PUM2: variants seen among roughly 807,000 people sequenced by gnomAD.
PUM2 encodes pumilio homolog 2.
In PUM2, 57 loss-of-function variants were observed where a neutral mutation model predicts 124.5. The observed-to-expected ratio is 0.46, with a 90% CI of 0.37 to 0.57. The LOEUF (loss-of-function observed/expected upper bound fraction) is 0.57. PUM2 is among the 20% of genes least tolerant of loss of function. PUM2 has a pLI of 0.00. For synonymous variants in PUM2, 460 were observed against 446.1 expected, an observed-to-expected ratio of 1.03 and a Z score of -0.39; for missense variants, 1,065 against 1,290.6, an observed-to-expected ratio of 0.83 and a Z score of 2.68.
At chr2:20,294,135 G>T (rs1461083842) in intron 9 of PUM2, among the ~76,000 whole-genome samples, 1 of 152,174 alleles carries the variant, frequency 6.6e-6, no homozygotes, top group Non-Finnish European at 1.5e-5. Context: ...GAAACTGCTA[G>T]AGATTTCAAG....
At chr2:20,345,203 G>T (rs1688021686) in intron 1 of PUM2, among the ~76,000 whole-genome samples, 1 of 151,090 alleles carries the variant, frequency 6.6e-6, no homozygotes, top group Non-Finnish European at 1.5e-5. Context: ...GGATTCAAGT[G>T]ACCTTCCCAC....
chr2:20,284,628 T>C (rs10178561), intron 10 of PUM2, among the ~76,000 whole-genome samples: 6,040 of 152,294 alleles, frequency 0.04, 128 homozygotes, highest in Middle Eastern at 0.068. Context: ...CTGTGTCTGG[T>C]CCTTTAAGAA....
chr2:20,277,621 GT>G (rs777461887), intron 13 of PUM2, among the ~76,000 whole-genome samples: 2 of 151,898 alleles, frequency 1.3e-5, no homozygotes, highest in East Asian at 1.9e-4. Context: ...GCTTGTTTTT[GT>G]TTTTTTCTTT....
intron 2 of PUM2, 119 bp from the exon 3 acceptor site, chr2:20,318,764 G>C (rs1378050209): frequency 1.2e-5 from 7 of 606,682 alleles, no homozygotes; most frequent in Non-Finnish European, 1.9e-5. Context: ...TGAAAATTCA[G>C]AGTGACCTAT....
intron 1 of PUM2, among the ~76,000 whole-genome samples, chr2:20,337,689 C>G (rs1411172904): frequency 6.6e-6 from 1 of 152,180 alleles, no homozygotes; most frequent in Non-Finnish European, 1.5e-5. Flanking sequence ...TTTTAATTCA[C>G]TTAGGGTCCA....
intron 7 of PUM2, 74 bp from the exon 8 acceptor site, chr2:20,297,752 T>A: frequency 6.9e-7 from 1 of 1,453,364 alleles, no homozygotes; most frequent in Non-Finnish European, 9.5e-7. Context: ...AAAACATTTC[T>A]ACTCTGAATC....
At chr2:20,297,370 T>C (rs575821071) in intron 8 of PUM2, among the ~76,000 whole-genome samples, 183 bp downstream of exon 8, 1 of 152,344 alleles carries the variant, frequency 6.6e-6, no homozygotes, top group African/African-American at 2.4e-5. Flanking sequence ...TGCTTAAGCT[T>C]TTCCCTGTAG....
chr2:20,267,195 TA>T lies in PUM2; in HGVS notation c.1958-3736del, dbSNP rs528762555. 4.5e-3 allele frequency among the ~76,000 whole-genome samples: 583 copies of T among 129,432 alleles called. 5 individuals are homozygous for T. The highest frequency in any genetic ancestry group is 0.016 in the African/African-American group (563 of 35,358). 84.9% of individuals were successfully genotyped at this position (129,432 alleles called of 152,430 possible). ...GTACCACCATGCCCGGCTAAGTTTG[TA>T]TTTTTTTTTAGTAGAGACGGGGTTT... is the stretch of plus-strand genomic sequence containing the variant. On this transcript the variant is annotated intron_variant, in intron 13 of 20. Coordinates refer to ENST00000361078, the MANE Select transcript of PUM2 (RefSeq NM_015317.5).
intron 7 of PUM2, among the ~76,000 whole-genome samples, chr2:20,302,437 A>C (rs6748274): frequency 0.28 from 42,922 of 152,136 alleles, 6,454 homozygotes; most frequent in Middle Eastern, 0.35. Context: ...AATTGTATCA[A>C]ATCTTTTATG....
chr2:20,347,538 A>T (rs1573054466), intron 1 of PUM2, among the ~76,000 whole-genome samples: 1 of 152,210 alleles, frequency 6.6e-6, no homozygotes, highest in Non-Finnish European at 1.5e-5. Context: ...TACAAAAGCA[A>T]TTAAGTTTTA....
chr2:20,268,017 C>T (rs1370998542), intron 13 of PUM2, among the ~76,000 whole-genome samples: 4 of 152,078 alleles, frequency 2.6e-5, no homozygotes, highest in Non-Finnish European at 5.9e-5. Flanking sequence ...AGGTCCTCCG[C>T]GGGGCAAGGG....
chr2:20,261,133 G>A (rs1666103891), intron 14 of PUM2, among the ~76,000 whole-genome samples: 1 of 152,164 alleles, frequency 6.6e-6, no homozygotes, highest in Non-Finnish European at 1.5e-5. Context: ...GCTCACGCAT[G>A]TAATCTCAGC....
At chr2:20,325,710 C>T (rs989588406) in intron 2 of PUM2, among the ~76,000 whole-genome samples, 2 of 152,020 alleles carry the variant, frequency 1.3e-5, no homozygotes, top group Admixed American at 6.5e-5. Flanking sequence ...CAAGCTCCGC[C>T]TCCCGGGTTC....
At chr2:20,286,699 T>C (rs1380119845) in intron 10 of PUM2, among the ~76,000 whole-genome samples, 1 of 152,194 alleles carries the variant, frequency 6.6e-6, no homozygotes, top group Admixed American at 6.5e-5. Context: ...TCTTTGGTTT[T>C]ATTCTCTCTC....
intron 16 of PUM2, among the ~76,000 whole-genome samples, chr2:20,256,934 C>T (rs1271732629): frequency 5.4e-5 from 8 of 149,448 alleles, no homozygotes; most frequent in East Asian, 2.0e-4. Context: ...ATCCCAGCTA[C>T]TTCGGAGGCT....
intron 10 of PUM2, among the ~76,000 whole-genome samples, chr2:20,286,215 C>A (rs1672698898): frequency 6.6e-6 from 1 of 152,018 alleles, no homozygotes; most frequent in African/African-American, 2.4e-5. Context: ...AAAAGAGGGA[C>A]AAGAAGATGT....
At chr2:20,265,359 A>G (rs1225370927) in intron 13 of PUM2, among the ~76,000 whole-genome samples, 1 of 152,198 alleles carries the variant, frequency 6.6e-6, no homozygotes, top group Non-Finnish European at 1.5e-5. Flanking sequence ...GCACCCATGC[A>G]TGATATTCAA....
chr2:20,308,303 C>T lies in PUM2; in HGVS notation c.789+11G>A, dbSNP rs1020956650. 3.1e-6 allele frequency: 5 copies of T among 1,610,966 alleles called. No individual in the cohort carries two copies. The highest frequency in any genetic ancestry group is 1.3e-5 in the African/African-American group (1 of 74,686). On this transcript the variant is annotated intron_variant, in intron 6 of 20. Transcript: ENST00000361078. ...TAAGAGGACCTTCTTAAAGAAAGAA[C>T]ATGCTTTTACCTGCTGCTGGGAATT...
intron 1 of PUM2, among the ~76,000 whole-genome samples, chr2:20,334,357 T>A (rs1485605609): frequency 6.6e-6 from 1 of 152,162 alleles, no homozygotes; most frequent in Admixed American, 6.5e-5. Context: ...CCTGGATATC[T>A]GGTTCAATTT....
Sources: gnomAD v4.1 joint callset for allele counts (sites outside exome capture counted in the v4.1 genomes callset) on GRCh38, gnomAD v4.1.1 for gene constraint, MANE v1.5 for transcripts, NCBI Gene and HGNC (gene_info 2026-07-23, HGNC 2026-07-21) for gene names.